The following ZDHHC14 variants were observed in gnomAD, a reference collection of about 807,000 sequenced individuals.
ZDHHC14 encodes the protein zDHHC palmitoyltransferase 14.
In ZDHHC14, 16 loss-of-function variants were observed where a neutral mutation model predicts 47.7. The observed-to-expected ratio is 0.34, with a 90% CI of 0.23 to 0.51. The LOEUF is 0.51. Ranked by LOEUF, ZDHHC14 falls within the 20% of genes least tolerant of loss-of-function variation. The pLI, the probability that ZDHHC14 is intolerant of heterozygous loss-of-function variation, is 0.97. For synonymous variants in ZDHHC14, 293 were observed against 278.9 expected (o/e 1.05, Z -0.50); for missense variants, 515 against 662.5 (o/e 0.78, Z 2.44).
chr6:157,448,261 A>G (rs1206850267), intron 1 of ZDHHC14, among the ~76,000 whole-genome samples: 4 of 152,122 alleles, frequency 2.6e-5, no homozygotes, highest in Non-Finnish European at 2.9e-5. Context: ...TTTTGGGGGT[A>G]ATTTCAGAGA....
At chr6:157,453,788 T>TTTTGTGTGTGTGTGTGTGTG (rs3220439) in intron 1 of ZDHHC14, among the ~76,000 whole-genome samples, 3 of 148,098 alleles carry the variant, frequency 2.0e-5, no homozygotes, top group African/African-American at 5.1e-5. Context: ...TTTTTGTGTT[T>TTTTGTGTGTGTGTGTGTGTG]TGTGTGTGTG....
intron 3 of ZDHHC14, among the ~76,000 whole-genome samples, chr6:157,619,122 A>T (rs975569316): frequency 4.6e-5 from 7 of 152,038 alleles, no homozygotes; most frequent in African/African-American, 1.7e-4. Context: ...AAGCAGGGTT[A>T]AAAAACAGGA....
At chr6:157,572,813 GA>G (rs1327890569) in intron 2 of ZDHHC14, among the ~76,000 whole-genome samples, 1 of 151,966 alleles carries the variant, frequency 6.6e-6, no homozygotes, top group Non-Finnish European at 1.5e-5. Context: ...CATAGCACAT[GA>G]AACTCATTCT....
intron 8 of ZDHHC14, among the ~76,000 whole-genome samples, chr6:157,661,086 G>C (rs9456607): frequency 0.23 from 35,326 of 151,714 alleles, 4,856 homozygotes; most frequent in East Asian, 0.53. Context: ...CAAAGCACAG[G>C]CATGTGTGGG....
chr6:157,404,020 T>A (rs773509735), intron 1 of ZDHHC14, among the ~76,000 whole-genome samples: 2 of 152,244 alleles, frequency 1.3e-5, no homozygotes, highest in Non-Finnish European at 2.9e-5. Flanking sequence ...ACCCACACAC[T>A]TCCCCCATAG....
chr6:157,671,310 C>G (rs773506417), intron 8 of ZDHHC14, among the ~76,000 whole-genome samples: 2 of 152,160 alleles, frequency 1.3e-5, no homozygotes, highest in Non-Finnish European at 2.9e-5. Flanking sequence ...TCGAGCTGTC[C>G]AACCCATCTG....
chr6:157,514,261 C>A (rs980606769), intron 1 of ZDHHC14, among the ~76,000 whole-genome samples: 11 of 152,346 alleles, frequency 7.2e-5, no homozygotes, highest in Admixed American at 7.2e-4. Flanking sequence ...AACCGACAAG[C>A]CAGCTCACGG....
chr6:157,515,525 G>A (rs1332899460), intron 1 of ZDHHC14, among the ~76,000 whole-genome samples: 5 of 146,120 alleles, frequency 3.4e-5, no homozygotes, highest in African/African-American at 1.0e-4. Context: ...GCAGTGGCGC[G>A]CTATCTCCGC....
chr6:157,562,685 T>C (rs995287607), intron 2 of ZDHHC14, among the ~76,000 whole-genome samples: 7 of 152,174 alleles, frequency 4.6e-5, no homozygotes, highest in African/African-American at 1.7e-4. Context: ...CCAGAGTCTG[T>C]TGGAGACAGG....
At chr6:157,561,856 T>G (rs1281922885) in intron 2 of ZDHHC14, among the ~76,000 whole-genome samples, 3 of 152,128 alleles carry the variant, frequency 2.0e-5, no homozygotes, top group Non-Finnish European at 4.4e-5. Context: ...AAGTGGGGTT[T>G]TCACCATGTT....
rs1778953405 is a variant in ZDHHC14 at position 157,675,340 on chromosome 6, TC to T, written c.*2221del. 6.6e-6 allele frequency: 1 copy of T among 152,188 alleles called. No individual in the cohort carries two copies. The highest frequency in any genetic ancestry group is 2.4e-5 in the African/African-American group (1 of 41,440). 9.4% of individuals were successfully genotyped at this position (152,188 alleles called of 1,614,324 possible). ...TTCTTCCCACCTCACTGTGAAAAATTCCCAGAAGCCAGGATCACGACTCACT... is the reference window on the plus strand; with the variant it reads ...TTCTTCCCACCTCACTGTGAAAAATTCCAGAAGCCAGGATCACGACTCACT... On this transcript the variant is annotated 3_prime_UTR_variant, in exon 9 of 9. Transcript: ENST00000359775.
intron 5 of ZDHHC14, among the ~76,000 whole-genome samples, chr6:157,644,674 A>T (rs1777436018): frequency 6.6e-6 from 1 of 152,214 alleles, no homozygotes. Flanking sequence ...GGAGAAGATC[A>T]TCACTGACAT....
rs146433442 is a variant in ZDHHC14, at chr6:157,626,169, A to G, written c.566-2180A>G. ...GTTAACGATGCCTCCCAGACCCTAC[A>G]TTCTTCTTTGCTGATAGGCGATTTT... On this transcript the variant is annotated intron_variant, in intron 3 of 8. Transcript: ENST00000359775. Among the ~76,000 whole-genome samples the G allele has an allele frequency of 8.3e-3, 1,268 of 152,170 alleles. 10 individuals carry two copies. Among genetic ancestry groups the G allele is most frequent in the Middle Eastern group, 0.014 (4 of 292 alleles).
rs1233634761 is a variant in ZDHHC14 at position 157,381,579 on chromosome 6, C to T, written c.-443C>T. ...CAGAAGTGGCTCCCGAGGAAGCCGG[C>T]GCCGGGGCCGCCGCCTCGTGTCCCC... On this transcript the variant is annotated 5_prime_UTR_variant, in exon 1 of 9. Transcript: ENST00000359775. The T allele has an allele frequency of 2.4e-4, 96 of 398,514 alleles. 1 individual carries two copies. Among genetic ancestry groups the T allele is most frequent in the Non-Finnish European group, 4.1e-4 (81 of 199,530 alleles). 24.7% of individuals were successfully genotyped at this position (398,514 alleles called of 1,614,324 possible). A position where few individuals can be genotyped will look rare whatever the true frequency, so the allele number is the denominator to read the frequency against.
At chr6:157,455,904 C>T (rs1014637033) in intron 1 of ZDHHC14, among the ~76,000 whole-genome samples, 3 of 152,176 alleles carry the variant, frequency 2.0e-5, no homozygotes, top group South Asian at 2.1e-4. Flanking sequence ...CAGCTATCTC[C>T]GTGTCAATGG....
chr6:157,461,789 A>G (rs1419609640), intron 1 of ZDHHC14, among the ~76,000 whole-genome samples: 1 of 152,172 alleles, frequency 6.6e-6, no homozygotes, highest in African/African-American at 2.4e-5. Context: ...CAGTTCCTGC[A>G]CTTCCCATCC....
intron 1 of ZDHHC14, among the ~76,000 whole-genome samples, chr6:157,421,447 C>G (rs1173302675): frequency 6.6e-5 from 8 of 122,006 alleles, no homozygotes; most frequent in African/African-American, 2.5e-4. Flanking sequence ...GAGCTGAGAT[C>G]GTGCCACTGC....
At chr6:157,640,066 C>T (rs1178461824) in intron 5 of ZDHHC14, among the ~76,000 whole-genome samples, 15 of 152,176 alleles carry the variant, frequency 9.9e-5, no homozygotes, top group Admixed American at 3.3e-4. Context: ...TTGGCTTCTC[C>T]GATTCGCGGA....
intron 1 of ZDHHC14, among the ~76,000 whole-genome samples, chr6:157,418,772 G>T (rs1009628437): frequency 6.6e-6 from 1 of 152,152 alleles, no homozygotes; most frequent in South Asian, 2.1e-4. Flanking sequence ...TGAATGTAGC[G>T]CCAAACTTCT....
Sources: allele counts gnomAD v4.1 joint callset (sites outside exome capture counted in the v4.1 genomes callset), GRCh38; gene constraint gnomAD v4.1.1; transcripts MANE v1.5; gene names NCBI Gene and HGNC (gene_info 2026-07-23, HGNC 2026-07-21).